The following COPZ1 variants were observed in gnomAD, a reference collection of about 807,000 sequenced individuals.
COPZ1 encodes the protein coatomer subunit zeta-1.
Under a neutral mutation model 31.7 loss-of-function variants are expected in COPZ1, and 4 were observed. That is an observed-to-expected ratio of 0.13 (90% CI 0.06 to 0.29). COPZ1 has a LOEUF of 0.29. Ranked by LOEUF, COPZ1 falls within the 10% of genes least tolerant of loss-of-function variation. The probability of loss-of-function intolerance (pLI) is 1.00; values close to 1 mark genes in which losing one functional copy is unlikely to be tolerated. For missense variants in COPZ1, 156 were observed against 211.5 expected, an observed-to-expected ratio of 0.74 and a Z score of 1.63; for synonymous variants, 74 against 79.0, an observed-to-expected ratio of 0.94 and a Z score of 0.33.
chr12:54,339,498 C>T (rs764968075), intron 1 of COPZ1, among the ~76,000 whole-genome samples: 1 of 152,028 alleles, frequency 6.6e-6, no homozygotes, highest in Non-Finnish European at 1.5e-5. Context: ...TAGATGCACG[C>T]CACCACACCT....
At chr12:54,337,908 G>A (rs1164647819) in intron 1 of COPZ1, among the ~76,000 whole-genome samples, 1 of 152,152 alleles carries the variant, frequency 6.6e-6, no homozygotes, top group African/African-American at 2.4e-5. Context: ...CTTTGATAAT[G>A]TCTTCTAGGA....
chr12:54,325,472 C>A (rs1387349114), intron 1 of COPZ1: 2 of 344,420 alleles, frequency 5.8e-6, no homozygotes, highest in Non-Finnish European at 1.1e-5. Flanking sequence ...CTTCAGGTTG[C>A]CCCTTATTTT....
intron 1 of COPZ1, among the ~76,000 whole-genome samples, chr12:54,326,057 G>A (rs1953629784): frequency 6.6e-6 from 1 of 150,464 alleles, no homozygotes; most frequent in Non-Finnish European, 1.5e-5. Context: ...CTGACCTCAA[G>A]TGATCCGCCC....
At chr12:54,344,085 A>G (rs1289026221) in intron 4 of COPZ1, among the ~76,000 whole-genome samples, 1 of 152,248 alleles carries the variant, frequency 6.6e-6, no homozygotes, top group African/African-American at 2.4e-5. Context: ...TCAGGGTCAC[A>G]CATGTAGAAA....
intron 1 of COPZ1, among the ~76,000 whole-genome samples, chr12:54,334,848 C>G (rs1283880683): frequency 6.6e-6 from 1 of 151,978 alleles, no homozygotes; most frequent in Admixed American, 6.6e-5. Flanking sequence ...CAGGGTGAGA[C>G]TCCGTCTCAA....
At chr12:54,346,737 T>C in intron 5 of COPZ1, 1 of 687,114 alleles carries the variant, frequency 1.5e-6, no homozygotes. Context: ...ATACCTGTAG[T>C]CTCAGCTACT....
chr12:54,325,169 G>C lies in COPZ1; in HGVS notation c.6G>C (p.Glu2Asp). M[E>D]ALILEPSLYT... The stretch of plus-strand genomic sequence containing the variant: ...GGCACCAGCTGCGGGGCAAGATGGA[G>C]GCGCTGATTTTGGTAGGAGCTGGAG... The change falls in exon 1 of 9, where the codon GAG becomes GAC. Residue 2 changes from glutamate to aspartate, a missense_variant. Glu to Asp is a conservative substitution (Grantham distance 45, BLOSUM62 2). Coordinates refer to ENST00000262061, the MANE Select transcript of COPZ1 (RefSeq NM_016057.3). 6.4e-7 allele frequency: 1 copy of C among 1,562,772 alleles called. No individual in the cohort carries two copies. Among genetic ancestry groups the C allele is most frequent in the African/African-American group, 1.4e-5 (1 of 73,612 alleles).
At chr12:54,349,126 T>TC (rs3839969) in intron 7 of COPZ1, among the ~76,000 whole-genome samples, 1 of 151,762 alleles carries the variant, frequency 6.6e-6, no homozygotes, top group South Asian at 2.1e-4. Context: ...AGAGAGAGGG[T>TC]CCCCCCCATC....
At chr12:54,332,099 C>T (rs1240408636) in intron 1 of COPZ1, among the ~76,000 whole-genome samples, 7 of 151,980 alleles carry the variant, frequency 4.6e-5, no homozygotes, top group Non-Finnish European at 5.9e-5. Flanking sequence ...CCGAGGCGGG[C>T]GGATCACGAG....
intron 1 of COPZ1, among the ~76,000 whole-genome samples, chr12:54,336,717 C>T (rs549698695): frequency 1.3e-5 from 2 of 150,608 alleles, no homozygotes; most frequent in South Asian, 4.2e-4. Flanking sequence ...ATGCTTTTCA[C>T]CAGGCTTTAG....
At chr12:54,346,612 AACAGGAAGC>A in intron 5 of COPZ1, 1 of 701,466 alleles carries the variant, frequency 1.4e-6, no homozygotes, top group Non-Finnish European at 2.6e-6. Context: ...CCTTCTGTAG[AACAGGAAGC>A]ACCCAGGCAG....
chr12:54,345,654 T>C, intron 5 of COPZ1, 139 bp downstream of exon 5: 1 of 675,062 alleles, frequency 1.5e-6, no homozygotes, highest in Non-Finnish European at 2.5e-6. Context: ...AGGGAGTTGA[T>C]TTAGTTTTAG....
chr12:54,334,784 G>C (rs1014624809), intron 1 of COPZ1, among the ~76,000 whole-genome samples: 1 of 152,052 alleles, frequency 6.6e-6, no homozygotes, highest in Non-Finnish European at 1.5e-5. Flanking sequence ...GTGAACCCGG[G>C]AGGCAGAGCT....
chr12:54,345,213 T>C, intron 4 of COPZ1: 1 of 463,236 alleles, frequency 2.2e-6, no homozygotes, highest in Middle Eastern at 6.1e-4. Flanking sequence ...TGTAGAGGAC[T>C]GTGACAGGGA....
At chr12:54,336,174 T>C (rs1458359762) in intron 1 of COPZ1, among the ~76,000 whole-genome samples, 1 of 152,232 alleles carries the variant, frequency 6.6e-6, no homozygotes, top group East Asian at 1.9e-4. Flanking sequence ...GTTCTCTTAC[T>C]ATATACATTG....
intron 1 of COPZ1, among the ~76,000 whole-genome samples, chr12:54,329,810 G>A (rs1378860873): frequency 6.6e-6 from 1 of 152,198 alleles, no homozygotes; most frequent in African/African-American, 2.4e-5. Context: ...ACAAGGATAT[G>A]AGTATGTATG....
intron 7 of COPZ1, 108 bp downstream of exon 7, chr12:54,348,159 C>A: frequency 4.4e-6 from 4 of 903,934 alleles, no homozygotes; most frequent in Non-Finnish European, 7.1e-6. Flanking sequence ...ATACATACAA[C>A]CTTCTCTTTT....
At chr12:54,331,993 A>T (rs1246618019) in intron 1 of COPZ1, among the ~76,000 whole-genome samples, 1 of 152,106 alleles carries the variant, frequency 6.6e-6, no homozygotes, top group East Asian at 1.9e-4. Flanking sequence ...CTTCCATGAT[A>T]GTTGAAGAAT....
At chr12:54,342,987 G>T (rs1279217891) in intron 3 of COPZ1, among the ~76,000 whole-genome samples, 2 of 151,352 alleles carry the variant, frequency 1.3e-5, no homozygotes, top group African/African-American at 4.9e-5. Context: ...CTCCTGAGTA[G>T]CAGGGATTAC....
Sources: gnomAD v4.1 joint callset for allele counts (sites outside exome capture counted in the v4.1 genomes callset) on GRCh38, gnomAD v4.1.1 for gene constraint, MANE v1.5 for transcripts, NCBI Gene and HGNC (gene_info 2026-07-23, HGNC 2026-07-21) for gene names.